CPQ: variants seen among roughly 807,000 people sequenced by gnomAD.
CPQ encodes carboxypeptidase Q.
In CPQ, 37 loss-of-function variants were observed where a neutral mutation model predicts 45.7. The observed-to-expected ratio is 0.81, with a 90% confidence interval of 0.62 to 1.07. The LOEUF (loss-of-function observed/expected upper bound fraction) is 1.07, where lower values mean the gene tolerates loss of function less well. Among genes scored for constraint, CPQ ranks in the 50% least tolerant of loss-of-function variants. CPQ has a pLI of 0.00. For missense variants in CPQ, 537 were observed against 572.9 expected (o/e 0.94, Z 0.64); for synonymous variants, 186 against 205.8 (o/e 0.90, Z 0.82).
intron 3 of CPQ, among the ~76,000 whole-genome samples, chr8:96,840,963 G>T (rs1811597405): frequency 1.3e-5 from 2 of 152,208 alleles, no homozygotes; most frequent in Non-Finnish European, 2.9e-5. Context: ...CAGCTGAGCA[G>T]ATTAGCCATC....
chr8:96,844,557 G>A (rs1050614247), intron 3 of CPQ, among the ~76,000 whole-genome samples: 41 of 152,196 alleles, frequency 2.7e-4, no homozygotes, highest in Non-Finnish European at 5.9e-5. Context: ...GGAGAACAAT[G>A]TTTACCTCAT....
chr8:96,834,807 G>A (rs1291111387), intron 2 of CPQ, among the ~76,000 whole-genome samples, 166 bp from the exon 3 acceptor site: 2 of 152,104 alleles, frequency 1.3e-5, no homozygotes, highest in Non-Finnish European at 2.9e-5. Context: ...TGGGAAGTTG[G>A]CTAACCCCAC....
chr8:96,812,694 T>C (rs1312691090), intron 2 of CPQ, among the ~76,000 whole-genome samples: 2 of 152,042 alleles, frequency 1.3e-5, no homozygotes, highest in African/African-American at 4.8e-5. Context: ...CTTCACGATC[T>C]TTCTTAAAAT....
intron 3 of CPQ, among the ~76,000 whole-genome samples, chr8:96,843,684 G>C (rs554916098): frequency 6.6e-6 from 1 of 152,304 alleles, no homozygotes; most frequent in African/African-American, 2.4e-5. Context: ...TAAATAAAGA[G>C]CTGGAAGCAG....
chr8:96,976,704 C>T (rs1405618750), intron 5 of CPQ, among the ~76,000 whole-genome samples: 1 of 152,106 alleles, frequency 6.6e-6, no homozygotes, highest in East Asian at 1.9e-4. Flanking sequence ...CAAATACTTA[C>T]AGCCAACTGA....
At chr8:96,794,436 G>A (rs1008126962) in intron 2 of CPQ, among the ~76,000 whole-genome samples, 4 of 152,184 alleles carry the variant, frequency 2.6e-5, no homozygotes, top group Non-Finnish European at 5.9e-5. Context: ...ACAGTATGAG[G>A]ATCCTGGGCC....
At chr8:96,782,171 T>C (rs1472761126) in intron 1 of CPQ, among the ~76,000 whole-genome samples, 4 of 152,226 alleles carry the variant, frequency 2.6e-5, no homozygotes, top group Admixed American at 2.6e-4. Context: ...GTGGCAGCTC[T>C]GCTCCTGCAG....
At position 97,066,198 on chromosome 8, in the gene CPQ, G is replaced by T; in HGVS notation, c.1243G>T (p.Ala415Ser). The change falls in exon 7 of 8, where the codon GCT becomes TCT. Residue 415 changes from alanine to serine, a missense_variant. Physicochemically the swap from Ala to Ser is moderately conservative, Grantham distance 99 (BLOSUM62 1). Transcript: ENST00000220763. ...GACAGACATCAACTTTTGGATCCAA[G>T]CTGGAGTGCCTGGTAAGACCAAAAG... ...EGTDINFWIQ[A>S]GVPGASLLDD... The T allele has an allele frequency of 6.2e-7, 1 of 1,609,290 alleles. No individual in the cohort carries two copies.
chr8:96,979,793 TAAAG>T (rs1813857552), intron 5 of CPQ, among the ~76,000 whole-genome samples: 2 of 152,120 alleles, frequency 1.3e-5, no homozygotes, highest in African/African-American at 4.8e-5. Flanking sequence ...TGTGACAGGA[TAAAG>T]AAAGTATTGA....
rs577656367 is a variant in CPQ at position 97,025,777 on chromosome 8, G to A, written c.962-3626G>A. ...GCTTTCCTGTATATATTTAAGACTT[G>A]TGGCTTTTAAAACTAGTTTGGATTT... On this transcript the variant is annotated intron_variant, in intron 5 of 7. Transcript: ENST00000220763. Among the ~76,000 whole-genome samples the A allele has an allele frequency of 6.6e-5, 10 of 152,250 alleles. No individual in the cohort carries two copies. The South Asian group carries it at 2.1e-3, about 32-fold the overall frequency.
At chr8:96,659,799 T>C (rs1232380774) in intron 1 of CPQ, among the ~76,000 whole-genome samples, 2 of 152,324 alleles carry the variant, frequency 1.3e-5, no homozygotes, top group South Asian at 4.1e-4. Context: ...TCTTCAGAAT[T>C]AGTAAGTCGC....
At chr8:96,711,143 C>T (rs973872540) in intron 1 of CPQ, among the ~76,000 whole-genome samples, 1 of 152,080 alleles carries the variant, frequency 6.6e-6, no homozygotes, top group Non-Finnish European at 1.5e-5. Flanking sequence ...AGAATAGCTA[C>T]TCCTGCTTGC....
intron 4 of CPQ, among the ~76,000 whole-genome samples, chr8:96,963,911 A>G (rs1813506497): frequency 6.6e-6 from 1 of 151,964 alleles, no homozygotes; most frequent in African/African-American, 2.4e-5. Flanking sequence ...TTTATACATC[A>G]TGTGTTATTT....
At chr8:96,886,752 T>C (rs1812311855) in intron 4 of CPQ, among the ~76,000 whole-genome samples, 1 of 152,212 alleles carries the variant, frequency 6.6e-6, no homozygotes, top group Non-Finnish European at 1.5e-5. Flanking sequence ...AGTTGAATGG[T>C]GTATAAATTT....
intron 1 of CPQ, among the ~76,000 whole-genome samples, chr8:96,706,722 GTAC>G (rs1314108315): frequency 4.6e-5 from 7 of 152,068 alleles, no homozygotes; most frequent in African/African-American, 1.7e-4. Context: ...CATTATATCA[GTAC>G]TGTGAATAAA....
chr8:97,109,550 G>T (rs1220570709), intron 7 of CPQ, among the ~76,000 whole-genome samples: 8 of 152,052 alleles, frequency 5.3e-5, no homozygotes, highest in African/African-American at 1.9e-4. Flanking sequence ...AGCCATCAAG[G>T]TCTACCAGAA....
At chr8:97,129,163 C>T (rs1586555501) in intron 7 of CPQ, among the ~76,000 whole-genome samples, 1 of 152,276 alleles carries the variant, frequency 6.6e-6, no homozygotes, top group Middle Eastern at 3.4e-3. Context: ...AGCACAGATT[C>T]ATATGAGAAG....
intron 5 of CPQ, among the ~76,000 whole-genome samples, chr8:97,017,584 A>G (rs113467784): frequency 0.026 from 4,015 of 151,872 alleles, 115 homozygotes; most frequent in African/African-American, 0.074. Context: ...AGTGAGAGTG[A>G]GATCAGCCCT....
At chr8:97,130,263 T>C (rs1190156465) in intron 7 of CPQ, among the ~76,000 whole-genome samples, 1 of 152,164 alleles carries the variant, frequency 6.6e-6, no homozygotes, top group African/African-American at 2.4e-5. Context: ...GCAGGACTCC[T>C]GGTGTTATTT....
Sources: allele counts gnomAD v4.1 joint callset (sites outside exome capture counted in the v4.1 genomes callset), GRCh38; gene constraint gnomAD v4.1.1; transcripts MANE v1.5; gene names NCBI Gene and HGNC (gene_info 2026-07-23, HGNC 2026-07-21).